The following PDILT variants were observed in gnomAD, a reference collection of about 807,000 sequenced individuals.
PDILT encodes the protein protein disulfide-isomerase-like protein of the testis.
A neutral mutation model predicts 53.7 loss-of-function variants in PDILT; 43 were observed. That is an observed-to-expected ratio of 0.80 (90% CI 0.63 to 1.03). The LOEUF (loss-of-function observed/expected upper bound fraction) is 1.03. PDILT is among the 50% of genes least tolerant of loss of function. PDILT has a pLI of 0.00. For synonymous variants in PDILT, 282 were observed against 274.2 expected, an observed-to-expected ratio of 1.03 and a Z score of -0.28; for missense variants, 727 against 712.3, an observed-to-expected ratio of 1.02 and a Z score of -0.24.
intron 10 of PDILT, among the ~76,000 whole-genome samples, chr16:20,361,460 C>G (rs560184675): frequency 1.3e-5 from 2 of 151,980 alleles, no homozygotes; most frequent in South Asian, 2.1e-4. Flanking sequence ...TGAGATTACA[C>G]GCGTTGAGAC....
intron 2 of PDILT, among the ~76,000 whole-genome samples, chr16:20,393,154 G>T (rs1455464527): frequency 6.6e-6 from 1 of 152,184 alleles, no homozygotes; most frequent in African/African-American, 2.4e-5. Context: ...AAGTTTCTCT[G>T]CTCCTCCCTG....
chr16:20,397,898 GGAGTGGCTCT>G (rs1384531530), intron 2 of PDILT, among the ~76,000 whole-genome samples: 1 of 152,112 alleles, frequency 6.6e-6, no homozygotes, highest in East Asian at 1.9e-4. Context: ...CAATTTTCCA[GGAGTGGCTCT>G]GAACACAGGA....
At position 20,367,010 on chromosome 16, in the gene PDILT, TTC is replaced by T. The variant is rs1278914164; in HGVS notation, c.1117-1472_1117-1471del. On this transcript the variant is annotated intron_variant, in intron 8 of 11. Coordinates refer to ENST00000302451, the MANE Select transcript of PDILT (RefSeq NM_174924.2). ...TTCCTTTCTTTCTTTCTTTATTTAT[TTC>T]TCTCTCTCTTTCTTCTTTCTTTCTT... is the stretch of plus-strand genomic sequence containing the variant. Among the ~76,000 whole-genome samples the T allele has an allele frequency of 5.0e-4, 74 of 149,264 alleles. 1 individual carries two copies. The highest frequency in any genetic ancestry group is 1.7e-3 in the African/African-American group (69 of 40,314).
At chr16:20,367,196 G>A (rs1260038854) in intron 8 of PDILT, among the ~76,000 whole-genome samples, 3 of 151,558 alleles carry the variant, frequency 2.0e-5, no homozygotes, top group Non-Finnish European at 4.4e-5. Context: ...TCCACCTCCC[G>A]AGTTGAAGCG....
rs749401445 is a variant in PDILT, at chr16:20,373,060, A to G, written c.744T>C (p.Arg248=). ...NDSTNKQELN[R]VIKQHLTDFV... is the part of the protein sequence containing the mutation. ...AATCTGTAAGGTGCTGTTTTATGAC[A>G]CGATTGAGTTCCTGTTTGTTGGTAC... The change falls in exon 6 of 12, where the codon CGT becomes CGC. Residue 248 remains arginine (R), a synonymous_variant. Transcript: ENST00000302451. 6.2e-7 allele frequency: 1 copy of G among 1,614,176 alleles called. No individual in the cohort carries two copies. Among genetic ancestry groups the G allele is most frequent in the Non-Finnish European group, 8.5e-7 (1 of 1,180,006 alleles).
chr16:20,399,953 T>A (rs1051864587), intron 1 of PDILT, among the ~76,000 whole-genome samples: 4 of 152,022 alleles, frequency 2.6e-5, no homozygotes, highest in Non-Finnish European at 4.4e-5. Context: ...CTTAGAGAAG[T>A]ATGGAATGAA....
chr16:20,379,774 C>T (rs1966437034), intron 3 of PDILT, among the ~76,000 whole-genome samples: 1 of 152,122 alleles, frequency 6.6e-6, no homozygotes, highest in African/African-American at 2.4e-5. Flanking sequence ...ATGAGTCAAA[C>T]CTATGGAAAT....
chr16:20,395,229 A>G (rs1477207476), intron 2 of PDILT, among the ~76,000 whole-genome samples: 2 of 152,172 alleles, frequency 1.3e-5, no homozygotes, highest in African/African-American at 4.8e-5. Context: ...GAGGTTGGAA[A>G]CCTAAAACAT....
intron 3 of PDILT, among the ~76,000 whole-genome samples, chr16:20,383,268 A>G (rs1459576577): frequency 6.6e-6 from 1 of 152,102 alleles, no homozygotes; most frequent in Admixed American, 6.6e-5. Context: ...GGGCCACTCC[A>G]TTAGCAGTCA....
intron 2 of PDILT, among the ~76,000 whole-genome samples, chr16:20,390,097 A>G (rs139620145): frequency 6.6e-6 from 1 of 152,138 alleles, no homozygotes; most frequent in Non-Finnish European, 1.5e-5. Context: ...AGCATGAAAA[A>G]AATATTCTGA....
At chr16:20,364,508 C>G (rs1011190290) in intron 9 of PDILT, among the ~76,000 whole-genome samples, 2 of 152,200 alleles carry the variant, frequency 1.3e-5, no homozygotes, top group Non-Finnish European at 2.9e-5. Flanking sequence ...GGAAAACCAC[C>G]ATACCTTCCT....
In PDILT at chr16:20,384,712, C is replaced by T. The variant is rs1350139065; in HGVS notation, c.342G>A (p.Gly114=). The part of the protein sequence containing the change: ...TIEKELQQEF[G]ITKAPELKLF... Reference sequence around the variant, plus strand: ...GCTTCAACTCCGGGGCCTTGGTAATCCCAAACTCCTGCTGAAGCTCCTTCT... The same window carrying T: ...GCTTCAACTCCGGGGCCTTGGTAATTCCAAACTCCTGCTGAAGCTCCTTCT... The change falls in exon 3 of 12, where the codon GGG becomes GGA. Residue 114 remains glycine (G), a synonymous_variant. Coordinates refer to ENST00000302451, the MANE Select transcript of PDILT (RefSeq NM_174924.2). 1 of 1,614,086 alleles carries T rather than the reference C, an allele frequency of 6.2e-7. No homozygotes were observed. The highest frequency in any genetic ancestry group is 8.5e-7 in the Non-Finnish European group (1 of 1,180,034).
intron 2 of PDILT, among the ~76,000 whole-genome samples, chr16:20,398,806 C>T (rs146223937): frequency 9.2e-5 from 14 of 152,214 alleles, no homozygotes; most frequent in African/African-American, 2.9e-4. Flanking sequence ...GACTGAGGCT[C>T]GGAATAATAC....
In PDILT at chr16:20,384,863, T is replaced by C. The variant is rs951797294; in HGVS notation, c.203-12A>G. 8 of 1,613,530 alleles carry C rather than the reference T, an allele frequency of 5.0e-6. No homozygotes were observed. The highest frequency in any genetic ancestry group is 4.0e-5 in the African/African-American group (3 of 74,916). ...TGAGGATGGGTTGTCTGAAAGAGTA[T>C]GAAGACAAAATTTGAGAGGCCTTTC... On this transcript the variant is annotated splice_polypyrimidine_tract_variant and intron_variant, in intron 2 of 11. Coordinates refer to ENST00000302451, the MANE Select transcript of PDILT (RefSeq NM_174924.2).
In PDILT at chr16:20,394,848, G is replaced by C. The variant is rs76163981; in HGVS notation, c.202+4251C>G. Among the ~76,000 whole-genome samples, 66 of 152,332 alleles carry C rather than the reference G, an allele frequency of 4.3e-4. No homozygotes were observed. The East Asian group carries it at 0.011, about 26-fold the overall frequency. On this transcript the variant is annotated intron_variant, in intron 2 of 11. Coordinates refer to ENST00000302451, the MANE Select transcript of PDILT (RefSeq NM_174924.2). ...GTGGCTGAGGTCCTAGGTAGAAGGAGACTGGTTGCCTGAATGATTGTATGG... is the reference window on the plus strand; with the variant it reads ...GTGGCTGAGGTCCTAGGTAGAAGGACACTGGTTGCCTGAATGATTGTATGG...
Position 20,373,106 on chromosome 16 carries a change from C to A in PDILT, c.698G>T (p.Arg233Leu), listed in dbSNP as rs141043720. ...GGTACTGTCATTAATAAGCTTTTGG[C>A]GGTTCACAATTTTTCCCTTGTACAA... is the stretch of plus-strand genomic sequence containing the variant. The part of the protein sequence containing the change: ...LVFKKGKIVN[R>L]QKLINDSTNK... Residue 233 changes from arginine (R) to leucine (L), a missense_variant, in exon 6 of 12, where the codon CGC becomes CTC. Arg to Leu is a moderately radical substitution (Grantham distance 102). Coordinates refer to ENST00000302451, the MANE Select transcript of PDILT (RefSeq NM_174924.2). 4,121 of 1,613,926 alleles carry A rather than the reference C, an allele frequency of 2.6e-3. 7 individuals are homozygous for A. The highest frequency in any genetic ancestry group is 3.1e-3 in the Admixed American group (188 of 59,992).
At chr16:20,388,281 A>G (rs1966565510) in intron 2 of PDILT, among the ~76,000 whole-genome samples, 1 of 152,190 alleles carries the variant, frequency 6.6e-6, no homozygotes, top group African/African-American at 2.4e-5. Flanking sequence ...TTAGTGTTCC[A>G]TGCATTACCC....
chr16:20,403,548 C>T (rs1373715771), intron 1 of PDILT, among the ~76,000 whole-genome samples: 1 of 152,156 alleles, frequency 6.6e-6, no homozygotes, highest in Non-Finnish European at 1.5e-5. Context: ...CCTGGGCCTC[C>T]CAAAGTGCTG....
intron 3 of PDILT, among the ~76,000 whole-genome samples, chr16:20,382,254 C>T (rs997473625): frequency 1.3e-5 from 2 of 152,196 alleles, no homozygotes; most frequent in Non-Finnish European, 2.9e-5. Context: ...AATGAGAAAA[C>T]TAATAGTCTG....
Sources: allele counts gnomAD v4.1 joint callset (sites outside exome capture counted in the v4.1 genomes callset), GRCh38; gene constraint gnomAD v4.1.1; transcripts MANE v1.5; gene names NCBI Gene and HGNC (gene_info 2026-07-23, HGNC 2026-07-21).